The following ZDBF2 variants were observed in gnomAD, a reference collection of about 807,000 sequenced individuals.
The protein encoded by ZDBF2 is DBF4-type zinc finger-containing protein 2.
In ZDBF2, 6 loss-of-function variants were observed where a neutral mutation model predicts 9.4. The observed-to-expected ratio is 0.64, with a 90% confidence interval of 0.35 to 1.27. The LOEUF is 1.27. Ranked by LOEUF, ZDBF2 falls within the 50% of genes most tolerant of loss-of-function variation. ZDBF2 has a pLI of 0.03. For synonymous variants in ZDBF2, 905 were observed against 946.3 expected, an observed-to-expected ratio of 0.96 and a Z score of 0.80; for missense variants, 2,697 against 2,766.8, an observed-to-expected ratio of 0.97 and a Z score of 0.57.
At position 206,305,591 on chromosome 2, in the gene ZDBF2, G is replaced by C. The variant is rs762977950; in HGVS notation, c.1063G>C (p.Glu355Gln). Residue 355 changes from glutamate (E) to glutamine (Q), a missense_variant, in exon 5 of 5, where the codon GAA becomes CAA. Physicochemically the swap from Glu to Gln is conservative, Grantham distance 29 (BLOSUM62 2). Transcript: ENST00000374423. Reference sequence around the variant, plus strand: ...GGTTTTTAACAAGACAGCCTTTTGGGAACAGAAGTGCTCAGTGAGTTCTGA... The same window carrying C: ...GGTTTTTAACAAGACAGCCTTTTGGCAACAGAAGTGCTCAGTGAGTTCTGA... ...HLVFNKTAFWEQKCSVSSEMK... is the reference protein window; with the variant it reads ...HLVFNKTAFWQQKCSVSSEMK... 1 of 1,613,810 alleles carries C rather than the reference G, an allele frequency of 6.2e-7. No individual in the cohort carries two copies. The highest frequency in any genetic ancestry group is 1.1e-5 in the South Asian group (1 of 91,070).
chr2:206,310,224 T>C lies in ZDBF2; in HGVS notation c.5696T>C (p.Ile1899Thr). The change falls in exon 5 of 5, where the codon ATT becomes ACT. Residue 1899 changes from isoleucine (I) to threonine (T), a missense_variant. Transcript: ENST00000374423. ...CAAGCTGTGTCAGAGAGTGATGATATTGTCTGTGGTATTTCAGATATTGAT... is the reference window on the plus strand; with the variant it reads ...CAAGCTGTGTCAGAGAGTGATGATACTGTCTGTGGTATTTCAGATATTGAT... ...PTQAVSESDD[I>T]VCGISDIDDL... is the part of the protein sequence containing the mutation. 1 of 1,613,910 alleles carries C rather than the reference T, an allele frequency of 6.2e-7. No homozygotes were observed. The highest frequency in any genetic ancestry group is 8.5e-7 in the Non-Finnish European group (1 of 1,179,880).
chr2:206,303,287 T>G (rs1184843217), intron 4 of ZDBF2, among the ~76,000 whole-genome samples: 3 of 152,026 alleles, frequency 2.0e-5, no homozygotes, highest in Non-Finnish European at 4.4e-5. Flanking sequence ...TGAATTGTTA[T>G]TATTTTTTAT....
intron 2 of ZDBF2, among the ~76,000 whole-genome samples, chr2:206,279,914 A>C (rs138456761): frequency 0.017 from 2,591 of 152,086 alleles, 52 homozygotes; most frequent in African/African-American, 0.043. Flanking sequence ...AAACGATTCT[A>C]TTGCCTCAGC....
chr2:206,281,077 A>G (rs540898235), intron 2 of ZDBF2, among the ~76,000 whole-genome samples: 3 of 152,272 alleles, frequency 2.0e-5, no homozygotes, highest in African/African-American at 7.2e-5. Context: ...CCCTAGCTCT[A>G]CTAAAATTTT....
chr2:206,297,331 A>G lies in ZDBF2; in HGVS notation c.146A>G (p.Gln49Arg), dbSNP rs1692239010. The G allele has an allele frequency of 6.2e-7, 1 of 1,613,740 alleles. No individual in the cohort carries two copies. The change falls in exon 4 of 5, where the codon CAG (glutamine) becomes CGG (arginine). Residue 49 changes from glutamine (Q) to arginine (R), a missense_variant. Around this residue, in one of 3 missense-constraint regions of ZDBF2, gnomAD observed 910 missense variants for 973.6 expected, o/e 0.93. Coordinates refer to ENST00000374423, the MANE Select transcript of ZDBF2 (RefSeq NM_020923.3). ...CTSSLMERFL[Q>R]DVLQHHPYHC... ...AGTAGTTTGATGGAACGTTTCTTAC[A>G]GGATGTACTGCAGCACCACCCATAT...
rs1221148104 is a variant in ZDBF2 at position 206,308,147 on chromosome 2, C to G, written c.3619C>G (p.Leu1207Val). The G allele has an allele frequency of 6.2e-7, 1 of 1,613,946 alleles. No individual in the cohort carries two copies. The highest frequency in any genetic ancestry group is 1.1e-5 in the South Asian group (1 of 91,068). The change falls in exon 5 of 5, where the codon CTT (leucine) becomes GTT (valine). Residue 1207 changes from leucine (L) to valine (V), a missense_variant. Physicochemically the swap from Leu to Val is conservative, Grantham distance 32 (BLOSUM62 1). Transcript: ENST00000374423. Reference sequence around the variant, plus strand: ...AGTAAGTTTTGATTCTGATGACCCTCTTCAGTCAGTGGCTGACCGGCTGAG... The same window carrying G: ...AGTAAGTTTTGATTCTGATGACCCTGTTCAGTCAGTGGCTGACCGGCTGAG... ...SEVSFDSDDP[L>V]QSVADRLRET... is the part of the protein sequence containing the mutation.
chr2:206,293,446 G>A (rs1426611287), intron 3 of ZDBF2, among the ~76,000 whole-genome samples: 9 of 152,106 alleles, frequency 5.9e-5, no homozygotes, highest in South Asian at 2.1e-4. Context: ...AGATAAAACC[G>A]GACTGCAATA....
Position 206,311,305 on chromosome 2 carries a change from A to G in ZDBF2, c.6777A>G (p.Leu2259=), listed in dbSNP as rs1403466106. 2.5e-6 allele frequency: 4 copies of G among 1,605,788 alleles called. No individual in the cohort carries two copies. The highest frequency in any genetic ancestry group is 1.7e-6 in the Non-Finnish European group (2 of 1,175,558). ...LKKKKSVVSR[L]KKAKRTAKVL... is the part of the protein sequence containing the mutation. ...AGAAAAAATCTGTTGTCAGTAGGCT[A>G]AAGAAGGCGAAGAGAACAGCTAAAG... Residue 2259 remains leucine (L), a synonymous_variant, in exon 5 of 5, where the codon CTA becomes CTG. Coordinates refer to ENST00000374423, the MANE Select transcript of ZDBF2 (RefSeq NM_020923.3).
chr2:206,286,830 T>C (rs1028281050), intron 3 of ZDBF2, among the ~76,000 whole-genome samples: 1 of 152,254 alleles, frequency 6.6e-6, no homozygotes, highest in Non-Finnish European at 1.5e-5. Context: ...AAAATGATTA[T>C]TGATATGCGA....
intron 3 of ZDBF2, among the ~76,000 whole-genome samples, chr2:206,283,387 T>TTTG (rs576202197): frequency 0.012 from 1,873 of 151,450 alleles, 37 homozygotes; most frequent in African/African-American, 0.042. Context: ...TGTTTTGTTT[T>TTTG]TTGTTGTTGT....
At position 206,307,554 on chromosome 2, in the gene ZDBF2, A is replaced by G. The variant is rs753023648; in HGVS notation, c.3026A>G (p.Tyr1009Cys). The G allele has an allele frequency of 9.9e-6, 16 of 1,613,812 alleles. No homozygotes were observed. The South Asian group carries it at 1.5e-4, about 16-fold the overall frequency. Residue 1009 changes from tyrosine to cysteine, a missense_variant, in exon 5 of 5, where the codon TAT (tyrosine) becomes TGT (cysteine). By Grantham distance (194) the Tyr-to-Cys change is radical (BLOSUM62 -2). Transcript: ENST00000374423. The stretch of plus-strand genomic sequence containing the variant: ...AGTTTAGATTCTGGTGTCCCTCATT[A>G]TTCAGTAACTGAACCTCAAGTAGCT... ...KTSLDSGVPH[Y>C]SVTEPQVAVN... is the part of the protein sequence containing the mutation.
chr2:206,311,692 C>T lies in ZDBF2; in HGVS notation c.*99C>T. ...AGCTTTCCCAGCTTTGGTGAGAAAA[C>T]TAATCTTGAACTATTTTGCTATAAA... On this transcript the variant is annotated 3_prime_UTR_variant, in exon 5 of 5. Coordinates refer to ENST00000374423, the MANE Select transcript of ZDBF2 (RefSeq NM_020923.3). 8.4e-7 allele frequency: 1 copy of T among 1,192,872 alleles called. No homozygotes were observed. The highest frequency in any genetic ancestry group is 1.1e-6 in the Non-Finnish European group (1 of 922,126). 73.9% of individuals were successfully genotyped at this position (1,192,872 alleles called of 1,614,324 possible).
Position 206,307,950 on chromosome 2 carries a change from G to A in ZDBF2, c.3422G>A (p.Gly1141Glu). ...PKVAIKHVNL[G>E]NENHMYLEVK... ...GTAGCTATTAAACATGTGAACCTTG[G>A]GAATGAAAACCATATGTACTTGGAA... is the stretch of plus-strand genomic sequence containing the variant. The change falls in exon 5 of 5, where the codon GGG (glycine) becomes GAG (glutamate). Residue 1141 changes from glycine (G) to glutamate (E), a missense_variant. Physicochemically the swap from Gly to Glu is moderately conservative, Grantham distance 98. Coordinates refer to ENST00000374423, the MANE Select transcript of ZDBF2 (RefSeq NM_020923.3). 1.2e-6 allele frequency: 2 copies of A among 1,613,580 alleles called. No individual in the cohort carries two copies. Among genetic ancestry groups the A allele is most frequent in the Non-Finnish European group, 1.7e-6 (2 of 1,179,760 alleles).
chr2:206,288,065 T>C (rs1691690708), intron 3 of ZDBF2, among the ~76,000 whole-genome samples: 1 of 152,214 alleles, frequency 6.6e-6, no homozygotes, highest in Admixed American at 6.5e-5. Flanking sequence ...TTTATTTTCA[T>C]TGGGTTATTT....
chr2:206,307,696 T>A lies in ZDBF2; in HGVS notation c.3168T>A (p.Pro1056=). Residue 1056 remains proline, a synonymous_variant, in exon 5 of 5, where the codon CCT becomes CCA. Transcript: ENST00000374423. ...CACCTCAGTCAATGACTGACCAACC[T>A]CAACTAGCTTTTTTGAAGGAAAAAC... ...NVPPQSMTDQ[P]QLAFLKEKHV... is the part of the protein sequence containing the mutation. 6.2e-7 allele frequency: 1 copy of A among 1,613,484 alleles called. No homozygotes were observed. The highest frequency in any genetic ancestry group is 8.5e-7 in the Non-Finnish European group (1 of 1,179,718).
chr2:206,286,970 A>C (rs1288494012), intron 3 of ZDBF2, among the ~76,000 whole-genome samples: 2 of 152,020 alleles, frequency 1.3e-5, no homozygotes, highest in African/African-American at 4.8e-5. Flanking sequence ...TCTTGGTGTT[A>C]GGTCTGACAT....
Position 206,307,121 on chromosome 2 carries a change from G to C in ZDBF2, c.2593G>C (p.Asp865His). The change falls in exon 5 of 5, where the codon GAT becomes CAT. Residue 865 changes from aspartate (D) to histidine (H), a missense_variant. Asp to His is a moderately conservative substitution (Grantham distance 81). Transcript: ENST00000374423. ...EEYIHLERKN[D>H]EPSGSEISSD... ...GTACATTCACTTAGAAAGGAAGAAT[G>C]ATGAACCCAGTGGTTCTGAAATAAG... The C allele has an allele frequency of 3.7e-6, 6 of 1,612,638 alleles. No individual in the cohort carries two copies. Among genetic ancestry groups the C allele is most frequent in the Non-Finnish European group, 5.1e-6 (6 of 1,179,484 alleles).
intron 4 of ZDBF2, among the ~76,000 whole-genome samples, chr2:206,297,941 A>G (rs1164238277): frequency 6.6e-6 from 1 of 152,164 alleles, no homozygotes; most frequent in Non-Finnish European, 1.5e-5. Context: ...TTGGCCTCCC[A>G]AAGTGCTGAG....
chr2:206,282,035 A>G (rs1691347562), intron 3 of ZDBF2, 126 bp downstream of exon 3: 1 of 870,662 alleles, frequency 1.1e-6, no homozygotes, highest in Non-Finnish European at 1.7e-6. Context: ...GTTGGCAGAC[A>G]CTGTTTAAGG....
Sources: gnomAD v4.1 joint callset for allele counts (sites outside exome capture counted in the v4.1 genomes callset) on GRCh38, gnomAD v4.1.1 for gene constraint, gnomAD v4.1.1 regional missense constraint, MANE v1.5 for transcripts, NCBI Gene and HGNC (gene_info 2026-07-23, HGNC 2026-07-21) for gene names.